Variants in LAMA2 observed in about 807,000 individuals in gnomAD.
LAMA2 encodes laminin subunit alpha-2.
Under a neutral mutation model 364.8 loss-of-function variants are expected in LAMA2, and 269 were observed. The ratio of observed to expected loss-of-function variants is 0.74; its 90% CI spans 0.67 to 0.82. The LOEUF (loss-of-function observed/expected upper bound fraction) is 0.82, where lower values mean the gene tolerates loss of function less well. LAMA2 is among the 40% of genes least tolerant of loss of function. The pLI is 0.00. For missense variants in LAMA2, 3,807 were observed against 3,873.2 expected, an observed-to-expected ratio of 0.98 and a Z score of 0.45; for synonymous variants, 1,379 against 1,370.6, an observed-to-expected ratio of 1.01 and a Z score of -0.14.
chr6:129,438,340 A>G (rs1006516972), intron 41 of LAMA2, among the ~76,000 whole-genome samples: 12 of 151,966 alleles, frequency 7.9e-5, no homozygotes, highest in African/African-American at 2.9e-4. Context: ...CAAATGGAAT[A>G]AAAGACTAAT....
chr6:129,101,774 C>T (rs1455146454), intron 4 of LAMA2, among the ~76,000 whole-genome samples: 1 of 152,130 alleles, frequency 6.6e-6, no homozygotes, highest in Non-Finnish European at 1.5e-5. Flanking sequence ...TAGATTGTAC[C>T]TTTTTATTTT....
chr6:128,981,950 C>T (rs1157216094), intron 1 of LAMA2, among the ~76,000 whole-genome samples: 1 of 152,178 alleles, frequency 6.6e-6, no homozygotes, highest in African/African-American at 2.4e-5. Flanking sequence ...CACCCAACCT[C>T]TCTGCTCTCA....
At chr6:129,364,235 C>T (rs1274203682) in intron 32 of LAMA2, among the ~76,000 whole-genome samples, 3 of 152,156 alleles carry the variant, frequency 2.0e-5, no homozygotes, top group East Asian at 1.9e-4. Context: ...AATCACTCTC[C>T]GTCCTCCTTC....
chr6:129,274,389 G>A (rs950035558), intron 17 of LAMA2, among the ~76,000 whole-genome samples: 7 of 151,632 alleles, frequency 4.6e-5, no homozygotes, highest in Admixed American at 1.3e-4. Flanking sequence ...TCCTGAAGAC[G>A]AGATTTTAAT....
chr6:129,080,788 G>A (rs1455876487), intron 3 of LAMA2, among the ~76,000 whole-genome samples: 14 of 152,164 alleles, frequency 9.2e-5, no homozygotes, highest in East Asian at 5.8e-4. Flanking sequence ...CTTTTACACC[G>A]TTGGCGGGAC....
chr6:129,353,429 A>G (rs1006960609), intron 32 of LAMA2, 72 bp downstream of exon 32: 62 of 1,183,878 alleles, frequency 5.2e-5, no homozygotes, highest in Non-Finnish European at 7.3e-5. Flanking sequence ...AATGAGAAAG[A>G]GTGACTCTCC....
intron 27 of LAMA2, among the ~76,000 whole-genome samples, chr6:129,316,617 C>T (rs947714963): frequency 6.6e-6 from 1 of 152,182 alleles, no homozygotes; most frequent in Non-Finnish European, 1.5e-5. Context: ...ACAATGTTGT[C>T]ATTTTCCCTA....
intron 4 of LAMA2, among the ~76,000 whole-genome samples, chr6:129,099,990 C>T (rs1315802837): frequency 6.6e-6 from 1 of 152,066 alleles, no homozygotes; most frequent in Admixed American, 6.6e-5. Flanking sequence ...ATTTTTTATC[C>T]TAGATTCAGT....
chr6:129,238,108 G>C (rs977674174), intron 12 of LAMA2, among the ~76,000 whole-genome samples: 1 of 151,306 alleles, frequency 6.6e-6, no homozygotes, highest in Non-Finnish European at 1.5e-5. Context: ...GGGAGACAGA[G>C]GTTGCAGTGA....
intron 1 of LAMA2, among the ~76,000 whole-genome samples, chr6:128,971,294 T>C (rs1433421932): frequency 1.3e-5 from 2 of 152,230 alleles, no homozygotes; most frequent in African/African-American, 4.8e-5. Context: ...GTGCCTAGTG[T>C]TGTCATAGGT....
intron 1 of LAMA2, among the ~76,000 whole-genome samples, chr6:128,984,404 C>A (rs753469543): frequency 2.6e-5 from 4 of 152,114 alleles, no homozygotes; most frequent in Non-Finnish European, 1.5e-5. Flanking sequence ...AGGGCCCATT[C>A]GTATGTACTT....
intron 40 of LAMA2, among the ~76,000 whole-genome samples, chr6:129,416,500 A>G (rs1048658940): frequency 2.6e-5 from 4 of 152,098 alleles, no homozygotes; most frequent in Non-Finnish European, 4.4e-5. Flanking sequence ...CAGATATGTC[A>G]GGGCACACAG....
chr6:128,957,021 A>C (rs1182436113), intron 1 of LAMA2, among the ~76,000 whole-genome samples: 8 of 152,152 alleles, frequency 5.3e-5, no homozygotes, highest in Non-Finnish European at 8.8e-5. Context: ...ATGTTTCGAG[A>C]GCAGCAGTTT....
chr6:129,334,330 G>T (rs1466729923), intron 29 of LAMA2, among the ~76,000 whole-genome samples: 1 of 152,176 alleles, frequency 6.6e-6, no homozygotes, highest in African/African-American at 2.4e-5. Context: ...TAACCTGAAT[G>T]AGGTCTTAGT....
chr6:129,131,040 G>T (rs1312616159), intron 4 of LAMA2, among the ~76,000 whole-genome samples: 3 of 152,106 alleles, frequency 2.0e-5, no homozygotes, highest in Non-Finnish European at 4.4e-5. Context: ...GTCCTTAATA[G>T]AAAAGGGAAC....
At position 129,392,309 on chromosome 6, in the gene LAMA2, T is replaced by C. The variant is rs180743617; in HGVS notation, c.5234+656T>C. ...TAGTATTACTAATACTTAAATAATT[T>C]ATACTAAACCAGCAATATCAGCACA... is the stretch of plus-strand genomic sequence containing the variant. On this transcript the variant is annotated intron_variant, in intron 36 of 64. Transcript: ENST00000421865. Among the ~76,000 whole-genome samples, 200 of 152,256 alleles carry C rather than the reference T, an allele frequency of 1.3e-3. 1 individual carries two copies. The highest frequency in any genetic ancestry group is 2.2e-3 in the Non-Finnish European group (149 of 68,010).
intron 30 of LAMA2, among the ~76,000 whole-genome samples, 190 bp from the exon 31 acceptor site, chr6:129,349,104 ATATT>A (rs1181336125): frequency 2.0e-5 from 3 of 152,162 alleles, no homozygotes; most frequent in East Asian, 1.9e-4. Context: ...CAAACAATAT[ATATT>A]TGTTTACTGT....
intron 12 of LAMA2, among the ~76,000 whole-genome samples, chr6:129,240,011 A>G (rs1000556755): frequency 2.6e-5 from 4 of 152,244 alleles, no homozygotes; most frequent in African/African-American, 9.6e-5. Flanking sequence ...TAGGGAAGCC[A>G]GCGGTGCAGC....
At chr6:129,202,184 T>C (rs1782334983) in intron 12 of LAMA2, among the ~76,000 whole-genome samples, 1 of 80,278 alleles carries the variant, frequency 1.2e-5, no homozygotes, top group South Asian at 3.9e-4. Flanking sequence ...CGAGAGTCTG[T>C]CTCAAAAAAA....
Sources: allele counts gnomAD v4.1 joint callset (sites outside exome capture counted in the v4.1 genomes callset), GRCh38; gene constraint gnomAD v4.1.1; transcripts MANE v1.5; gene names NCBI Gene and HGNC (gene_info 2026-07-23, HGNC 2026-07-21).